Variants in SUN2 observed in about 807,000 individuals in gnomAD.
SUN2 encodes SUN domain-containing protein 2.
SUN2 carries 60 observed loss-of-function variants against 100.0 expected under a neutral mutation model. The observed-to-expected ratio is 0.60, with a 90% CI of 0.49 to 0.74. The LOEUF (loss-of-function observed/expected upper bound fraction) is 0.74, where lower values mean the gene tolerates loss of function less well. Among genes scored for constraint, SUN2 ranks in the 30% least tolerant of loss-of-function variants. SUN2 has a pLI of 0.00. For synonymous variants in SUN2, 367 were observed against 403.3 expected, an observed-to-expected ratio of 0.91 and a Z score of 1.08; for missense variants, 834 against 954.6, an observed-to-expected ratio of 0.87 and a Z score of 1.66.
intron 7 of SUN2, among the ~76,000 whole-genome samples, chr22:38,746,783 G>A (rs1300356485): frequency 6.6e-6 from 1 of 152,348 alleles, no homozygotes; most frequent in Non-Finnish European, 1.5e-5. Flanking sequence ...TGTAATCCCA[G>A]CACTTTGGGA....
At position 38,736,298 on chromosome 22, in the gene SUN2, C is replaced by T. The variant is rs1303616265; in HGVS notation, c.2123G>A (p.Arg708His). The T allele has an allele frequency of 1.2e-6, 2 of 1,613,908 alleles. No individual in the cohort carries two copies. Among genetic ancestry groups the T allele is most frequent in the Non-Finnish European group, 1.7e-6 (2 of 1,179,888 alleles). The change falls in exon 18 of 18, where the codon CGC becomes CAC. Residue 708 changes from arginine (R) to histidine (H), a missense_variant. Physicochemically the swap from Arg to His is conservative, Grantham distance 29. Transcript: ENST00000689035. ...GGCGGGCTCCCCATGCACTCTGAAGCGGTAGATGCAGGTGTACTCGGGGTG... is the reference window on the plus strand; with the variant it reads ...GGCGGGCTCCCCATGCACTCTGAAGTGGTAGATGCAGGTGTACTCGGGGTG... ...WGHPEYTCIY[R>H]FRVHGEPAH
At position 38,745,751 on chromosome 22, in the gene SUN2, C is replaced by T; in HGVS notation, c.746G>A (p.Trp249Ter). 6.2e-7 allele frequency: 1 copy of T among 1,614,096 alleles called. No individual in the cohort carries two copies. The highest frequency in any genetic ancestry group is 8.5e-7 in the Non-Finnish European group (1 of 1,180,030). Residue 249 changes from tryptophan to a stop codon, truncating the protein, a stop_gained, in exon 8 of 18, where the codon TGG (tryptophan) becomes TAG (stop). Coordinates refer to ENST00000689035, the MANE Select transcript of SUN2 (RefSeq NM_015374.3). LOFTEE classifies it high-confidence loss of function. ...QTFHPALVSWWAAKDSRRPDE... is the reference protein window; with the variant it reads ...QTFHPALVSW ...CGGCCTCCTGCTGTCCTTCGCTGCC[C>T]ACCAGGAAACCAAAGCAGGGTGGAA...
In SUN2 at chr22:38,735,334, A is replaced by G. The variant is rs1006728920; in HGVS notation, c.*933T>C. 4 of 431,638 alleles carry G rather than the reference A, an allele frequency of 9.3e-6. No homozygotes were observed. Among genetic ancestry groups the G allele is most frequent in the Non-Finnish European group, 1.8e-5 (4 of 217,648 alleles). The allele number at this position is 431,638 out of a possible 1,614,324, so 26.7% of individuals were successfully genotyped here. A position where few individuals can be genotyped will look rare whatever the true frequency, so the allele number is the denominator to read the frequency against. The stretch of plus-strand genomic sequence containing the variant: ...TGGTTAGATGTGGGGGCCGGTGCAG[A>G]CAGACCTCGCACCCCGATACCCTGA... On this transcript the variant is annotated 3_prime_UTR_variant, in exon 18 of 18. Transcript: ENST00000689035.
intron 4 of SUN2, among the ~76,000 whole-genome samples, chr22:38,750,565 G>C (rs574782608): frequency 1.1e-4 from 17 of 152,334 alleles, no homozygotes; most frequent in African/African-American, 3.6e-4. Flanking sequence ...CTAGGTGCTG[G>C]GGTCTGACAT....
chr22:38,752,488 C>T lies in SUN2; in HGVS notation c.122+19G>A, dbSNP rs1212645970. ...CTTGTGGGGCTGTCAGGGGCCGTGG[C>T]ACTCCCTTGGGTCCCTACCTGAGAG... is the stretch of plus-strand genomic sequence containing the variant. On this transcript the variant is annotated intron_variant, in intron 2 of 17. Coordinates refer to ENST00000689035, the MANE Select transcript of SUN2 (RefSeq NM_015374.3). The T allele has an allele frequency of 6.3e-6, 10 of 1,592,336 alleles. No individual in the cohort carries two copies. The highest frequency in any genetic ancestry group is 7.7e-6 in the Non-Finnish European group (9 of 1,163,302).
At chr22:38,745,862 G>A (rs372848090) in intron 7 of SUN2, 51 bp from the exon 8 acceptor site, 166 of 1,595,278 alleles carry the variant, frequency 1.0e-4, no homozygotes, top group Middle Eastern at 5.4e-4. Flanking sequence ...AGCAAGAGGC[G>A]CGCGCCAGGG....
intron 17 of SUN2, 127 bp from the exon 18 acceptor site, chr22:38,736,507 A>C: frequency 8.6e-6 from 6 of 700,954 alleles, no homozygotes; most frequent in Non-Finnish European, 1.4e-5. Flanking sequence ...TGGGGCTCTG[A>C]AGAGAACCAG....
chr22:38,736,196 CGTGTGGGGGAAGCGGCGGGGT>C lies in SUN2; in HGVS notation c.*50_*70del. The C allele has an allele frequency of 7.1e-7, 1 of 1,414,518 alleles. No individual in the cohort carries two copies. The highest frequency in any genetic ancestry group is 1.0e-6 in the Non-Finnish European group (1 of 1,003,418). 87.6% of individuals were successfully genotyped at this position (1,414,518 alleles called of 1,614,324 possible). A position where few individuals can be genotyped will look rare whatever the true frequency, so the allele number is the denominator to read the frequency against. On this transcript the variant is annotated 3_prime_UTR_variant, in exon 18 of 18. Transcript: ENST00000689035. ...CCTAGAAGTCAGAGCGCCGAGCAAG[CGTGTGGGGGAAGCGGCGGGGT>C]GCTGTTCACCCACTCCCAGATGGCT...
At position 38,738,230 on chromosome 22, in the gene SUN2, G is replaced by A. The variant is rs748570549; in HGVS notation, c.1983C>T (p.Leu661=). 6.2e-7 allele frequency: 1 copy of A among 1,613,976 alleles called. No homozygotes were observed. The highest frequency in any genetic ancestry group is 8.5e-7 in the Non-Finnish European group (1 of 1,180,008). The change falls in exon 17 of 18, where the codon CTC becomes CTT. Residue 661 remains leucine, a synonymous_variant. Coordinates refer to ENST00000689035, the MANE Select transcript of SUN2 (RefSeq NM_015374.3). The surrounding 1 kb of genome is among the most constrained non-coding windows in gnomAD (Gnocchi z 6.6). ...FDEDLQQEGT[L]LGKFTYDQDG... ...CCTGATCGTAAGTGAACTTGCCAAG[G>A]AGTGTCCCCTCCTGCTGCAGGTCTT...
At chr22:38,746,487 G>A (rs534384004) in intron 7 of SUN2, among the ~76,000 whole-genome samples, 7 of 152,284 alleles carry the variant, frequency 4.6e-5, no homozygotes, top group East Asian at 1.9e-4. Context: ...AGCTCCATTC[G>A]CTACTCAAGC....
chr22:38,738,151 C>T lies in SUN2; in HGVS notation c.2040+22G>A. On this transcript the variant is annotated intron_variant, in intron 17 of 17. Coordinates refer to ENST00000689035, the MANE Select transcript of SUN2 (RefSeq NM_015374.3). This position sits in a 1 kb window ranked among gnomAD's most constrained non-coding sequence, Gnocchi z 6.6. ...GGATGGGGAGTCTGCGCCACTTCTG[C>T]TAGCACAGCAGCATCCCGTACCTGA... 9 of 1,611,222 alleles carry T rather than the reference C, an allele frequency of 5.6e-6. No homozygotes were observed. The highest frequency in any genetic ancestry group is 7.6e-6 in the Non-Finnish European group (9 of 1,177,564).
chr22:38,738,320 C>T lies in SUN2; in HGVS notation c.1948-55G>A. On this transcript the variant is annotated intron_variant, in intron 16 of 17. Coordinates refer to ENST00000689035, the MANE Select transcript of SUN2 (RefSeq NM_015374.3). This position sits in a 1 kb window ranked among gnomAD's most constrained non-coding sequence, Gnocchi z 6.6. ...GGGCTGGAGCAGGGAGAACACCCCT[C>T]CCCACTCCAATCCCTGCTCCTCCCA... The T allele has an allele frequency of 6.8e-7, 1 of 1,469,090 alleles. No individual in the cohort carries two copies. The highest frequency in any genetic ancestry group is 9.5e-7 in the Non-Finnish European group (1 of 1,057,712). 91.0% of individuals were successfully genotyped at this position (1,469,090 alleles called of 1,614,324 possible). A position where few individuals can be genotyped will look rare whatever the true frequency, so the allele number is the denominator to read the frequency against.
At chr22:38,747,331 C>CAAAA (rs371350765) in intron 7 of SUN2, among the ~76,000 whole-genome samples, 1 of 99,300 alleles carries the variant, frequency 1.0e-5, no homozygotes, top group Non-Finnish European at 2.2e-5. Flanking sequence ...AACTCCGTCT[C>CAAAA]AAAAAAAAAA....
In SUN2 at chr22:38,738,752, T is replaced by C; in HGVS notation, c.1782A>G (p.Pro594=). The change falls in exon 16 of 18, where the codon CCA becomes CCG. Residue 594 remains proline, a splice_region_variant and synonymous_variant. Transcript: ENST00000689035. This position sits in a 1 kb window ranked among gnomAD's most constrained non-coding sequence, Gnocchi z 6.6. The part of the protein sequence containing the change: ...HSQSPRVILQ[P]DVHPGNCWAF... ...CCCAGCAGTTGCCTGGGTGCACATC[T>C]GGCTGGAGGAGCAGAAAGTCATGTC... 2 of 1,613,088 alleles carry C rather than the reference T, an allele frequency of 1.2e-6. No homozygotes were observed. The highest frequency in any genetic ancestry group is 1.7e-6 in the Non-Finnish European group (2 of 1,179,656).
In SUN2 at chr22:38,755,321, C is replaced by A. The variant is rs1352535225; in HGVS notation, c.-38+442G>T. On this transcript the variant is annotated intron_variant, in intron 1 of 17. Coordinates refer to ENST00000689035, the MANE Select transcript of SUN2 (RefSeq NM_015374.3). This position sits in a 1 kb window ranked among gnomAD's most constrained non-coding sequence, Gnocchi z 5.7. ...CGCCTCCTGGCTCTCTAAGTCACAC[C>A]GCGCCCCCCATTGCTTTGTTTTGTT... The A allele has an allele frequency of 2.7e-6, 3 of 1,099,418 alleles. No individual in the cohort carries two copies. Among genetic ancestry groups the A allele is most frequent in the Non-Finnish European group, 3.3e-6 (3 of 896,030 alleles). 68.1% of individuals were successfully genotyped at this position (1,099,418 alleles called of 1,614,324 possible).
At position 38,755,404 on chromosome 22, in the gene SUN2, G is replaced by A; in HGVS notation, c.-38+359C>T. 1.0e-6 allele frequency: 1 copy of A among 1,003,214 alleles called. No individual in the cohort carries two copies. The highest frequency in any genetic ancestry group is 1.2e-6 in the Non-Finnish European group (1 of 838,598). The allele number at this position is 1,003,214 out of a possible 1,614,324, so 62.1% of individuals were successfully genotyped here. ...CTGAGGCCCTGAGTTCTGACAGGCA[G>A]AGGCTGGGAACTGCCTGTCCCTGGA... On this transcript the variant is annotated intron_variant, in intron 1 of 17. Transcript: ENST00000689035. The surrounding 1 kb of genome is among the most constrained non-coding windows in gnomAD (Gnocchi z 5.7).
At chr22:38,752,098 C>A (rs1045465661) in intron 2 of SUN2, among the ~76,000 whole-genome samples, 2 of 152,232 alleles carry the variant, frequency 1.3e-5, no homozygotes, top group Non-Finnish European at 2.9e-5. Context: ...CCTCAGCCTC[C>A]TGAGTAGCTG....
chr22:38,753,246 C>T (rs913435247), intron 1 of SUN2, among the ~76,000 whole-genome samples: 2 of 127,488 alleles, frequency 1.6e-5, no homozygotes, highest in African/African-American at 3.1e-5. Context: ...GATGGAGTCT[C>T]GCGCTGCCTC....
At position 38,739,300 on chromosome 22, in the gene SUN2, G is replaced by T. The variant is rs376915922; in HGVS notation, c.1663+42C>A. The T allele has an allele frequency of 6.3e-7, 1 of 1,597,136 alleles. No individual in the cohort carries two copies. The highest frequency in any genetic ancestry group is 2.2e-5 in the East Asian group (1 of 44,802). On this transcript the variant is annotated intron_variant, in intron 14 of 17. Coordinates refer to ENST00000689035, the MANE Select transcript of SUN2 (RefSeq NM_015374.3). The surrounding 1 kb of genome is among the most constrained non-coding windows in gnomAD (Gnocchi z 6.7). ...TAGATGCCAGGGGACCGGCCATTGCGGGGTCCAGGACAAGGCAGAGCGAGG... is the reference window on the plus strand; with the variant it reads ...TAGATGCCAGGGGACCGGCCATTGCTGGGTCCAGGACAAGGCAGAGCGAGG...
Sources: allele counts gnomAD v4.1 joint callset (sites outside exome capture counted in the v4.1 genomes callset), GRCh38; gene constraint gnomAD v4.1.1; non-coding constraint Gnocchi (gnomAD v3.1); transcripts MANE v1.5; gene names NCBI Gene and HGNC (gene_info 2026-07-23, HGNC 2026-07-21).